Variants in PTPRD observed in about 807,000 individuals in gnomAD.
PTPRD encodes protein tyrosine phosphatase receptor type D.
In PTPRD, 34 loss-of-function variants were observed where a neutral mutation model predicts 214.5. That is an observed-to-expected ratio of 0.16 (90% CI 0.12 to 0.21). The LOEUF is 0.21. Among genes scored for constraint, PTPRD ranks in the 10% least tolerant of loss-of-function variants. The pLI is 1.00. For synonymous variants in PTPRD, 1,128 were observed against 845.7 expected (o/e 1.33, Z -5.79); for missense variants, 2,545 against 2,398.7 (o/e 1.06, Z -1.27).
At chr9:9,071,024 C>T (rs1056027628) in intron 10 of PTPRD, among the ~76,000 whole-genome samples, 6 of 152,212 alleles carry the variant, frequency 3.9e-5, no homozygotes, top group South Asian at 2.1e-4. Flanking sequence ...AGTGATCCTC[C>T]CACCTCTGCC....
At chr9:8,384,349 C>G (rs1205837520) in intron 37 of PTPRD, among the ~76,000 whole-genome samples, 2 of 151,884 alleles carry the variant, frequency 1.3e-5, no homozygotes, top group Non-Finnish European at 2.9e-5. Flanking sequence ...TGACTTGCTA[C>G]AGAATCAATG....
chr9:10,385,726 CA>C (rs2097902564), intron 2 of PTPRD, among the ~76,000 whole-genome samples: 1 of 151,604 alleles, frequency 6.6e-6, no homozygotes, highest in Non-Finnish European at 1.5e-5. Flanking sequence ...TGGCAAATTG[CA>C]AATATGAAAC....
At chr9:9,687,682 T>C (rs2097189996) in intron 7 of PTPRD, among the ~76,000 whole-genome samples, 1 of 151,804 alleles carries the variant, frequency 6.6e-6, no homozygotes, top group Non-Finnish European at 1.5e-5. Context: ...TAAAATGCCT[T>C]CTCTATGCCT....
At chr9:9,956,390 A>C (rs922016973) in intron 4 of PTPRD, among the ~76,000 whole-genome samples, 2 of 152,122 alleles carry the variant, frequency 1.3e-5, no homozygotes, top group African/African-American at 4.8e-5. Flanking sequence ...TTATTTCTGC[A>C]CGAACCTGAA....
chr9:8,518,638 T>A (rs2138623078), intron 20 of PTPRD, among the ~76,000 whole-genome samples: 1 of 152,316 alleles, frequency 6.6e-6, no homozygotes, highest in South Asian at 2.1e-4. Flanking sequence ...TAGAAGGGCT[T>A]GATAGCATAT....
chr9:9,445,314 A>C (rs10816128), intron 8 of PTPRD, among the ~76,000 whole-genome samples: 79,900 of 151,894 alleles, frequency 0.53, 21,227 homozygotes, highest in East Asian at 0.68. Context: ...CTAGTCAGTT[A>C]TGCATGCCAT....
At chr9:9,247,312 T>C (rs2099973503) in intron 9 of PTPRD, among the ~76,000 whole-genome samples, 1 of 152,192 alleles carries the variant, frequency 6.6e-6, no homozygotes, top group Non-Finnish European at 1.5e-5. Flanking sequence ...GATCATTCCA[T>C]TTGTGTCCAA....
intron 11 of PTPRD, among the ~76,000 whole-genome samples, chr9:8,990,793 C>A (rs934020603): frequency 3.3e-5 from 5 of 152,098 alleles, no homozygotes; most frequent in African/African-American, 1.2e-4. Context: ...CAGAGAAAGG[C>A]CAGGAAGAAT....
In PTPRD at chr9:9,706,019, A is replaced by G. The variant is rs182702226; in HGVS notation, c.-287+28514T>C. On this transcript the variant is annotated intron_variant, in intron 7 of 45. Transcript: ENST00000381196. ...CCTCATCTTTAAAATGGACATGATA[A>G]TATCTTCTTGCAAATTAATCATGAG... is the stretch of plus-strand genomic sequence containing the variant. 7.9e-3 allele frequency among the ~76,000 whole-genome samples: 1,200 copies of G among 152,250 alleles called. 11 individuals are homozygous for G. Among genetic ancestry groups the G allele is most frequent in the African/African-American group, 0.026 (1,086 of 41,528 alleles).
chr9:10,132,517 G>C (rs1475085030), intron 3 of PTPRD, among the ~76,000 whole-genome samples: 1 of 151,842 alleles, frequency 6.6e-6, no homozygotes, highest in Non-Finnish European at 1.5e-5. Flanking sequence ...GATACAGAAT[G>C]CTTCTTAAGA....
intron 10 of PTPRD, among the ~76,000 whole-genome samples, chr9:9,033,932 T>C (rs2154378654): frequency 6.6e-6 from 1 of 152,218 alleles, no homozygotes; most frequent in East Asian, 1.9e-4. Flanking sequence ...TAAACATTCC[T>C]CACTCAGGGG....
At position 8,612,369 on chromosome 9, in the gene PTPRD, T is replaced by A. The variant is rs972714858; in HGVS notation, c.352+20948A>T. ...TTCATTTAAAGGCCAAGATTAAATGTATGAATTTGAGTCTATAGGCAAAGG... is the reference window on the plus strand; with the variant it reads ...TTCATTTAAAGGCCAAGATTAAATGAATGAATTTGAGTCTATAGGCAAAGG... On this transcript the variant is annotated intron_variant, in intron 14 of 45. Transcript: ENST00000381196. Among the ~76,000 whole-genome samples the A allele has an allele frequency of 1.2e-4, 19 of 152,168 alleles. 1 individual carries two copies. Among genetic ancestry groups the A allele is most frequent in the African/African-American group, 4.3e-4 (18 of 41,456 alleles).
At chr9:10,409,793 G>C (rs1482814467) in intron 2 of PTPRD, among the ~76,000 whole-genome samples, 1 of 151,598 alleles carries the variant, frequency 6.6e-6, no homozygotes, top group Non-Finnish European at 1.5e-5. Context: ...ACTCAGAAGC[G>C]GCCCATAGAG....
intron 5 of PTPRD, among the ~76,000 whole-genome samples, chr9:9,874,610 C>T (rs1413475893): frequency 1.3e-5 from 2 of 152,116 alleles, no homozygotes; most frequent in Non-Finnish European, 2.9e-5. Flanking sequence ...TCTAATTCCT[C>T]GTTCTCTTTT....
chr9:10,228,011 A>G (rs1216705696), intron 3 of PTPRD, among the ~76,000 whole-genome samples: 1 of 152,014 alleles, frequency 6.6e-6, no homozygotes, highest in Non-Finnish European at 1.5e-5. Flanking sequence ...CTAAAGTAAA[A>G]ATTCTGGCTG....
intron 2 of PTPRD, among the ~76,000 whole-genome samples, chr9:10,494,758 A>C (rs2041518753): frequency 6.6e-6 from 1 of 151,374 alleles, no homozygotes; most frequent in African/African-American, 2.4e-5. Flanking sequence ...ATTATTTATA[A>C]GATATATTAA....
chr9:10,287,612 C>T (rs1185219347), intron 3 of PTPRD, among the ~76,000 whole-genome samples: 1 of 152,040 alleles, frequency 6.6e-6, no homozygotes, highest in Non-Finnish European at 1.5e-5. Flanking sequence ...ATAACACAAG[C>T]TCAACCAGGA....
intron 14 of PTPRD, among the ~76,000 whole-genome samples, chr9:8,594,602 C>T (rs897777848): frequency 2.0e-5 from 3 of 152,084 alleles, no homozygotes; most frequent in Non-Finnish European, 4.4e-5. Context: ...TTCCCCCATG[C>T]TATTCTCATG....
At chr9:8,882,206 A>G (rs1029672726) in intron 11 of PTPRD, among the ~76,000 whole-genome samples, 6 of 152,216 alleles carry the variant, frequency 3.9e-5, no homozygotes, top group African/African-American at 1.2e-4. Flanking sequence ...GACTAAAAAC[A>G]GAGTGGTGTT....
Sources: gnomAD v4.1 joint callset for allele counts (sites outside exome capture counted in the v4.1 genomes callset) on GRCh38, gnomAD v4.1.1 for gene constraint, MANE v1.5 for transcripts, NCBI Gene and HGNC (gene_info 2026-07-23, HGNC 2026-07-21) for gene names.